The following DDI2 variants were observed in gnomAD, a reference collection of about 807,000 sequenced individuals.
DDI2 encodes the protein DDI proteasomal shuttling factor 2, also known as protein DDI1 homolog 2.
A neutral mutation model predicts 48.1 loss-of-function variants in DDI2; 5 were observed. The observed-to-expected ratio is 0.10, with a 90% CI of 0.05 to 0.22. DDI2 has a LOEUF of 0.22. Ranked by LOEUF, DDI2 falls within the 10% of genes least tolerant of loss-of-function variation. The pLI is 1.00. For missense variants in DDI2, 285 were observed against 506.2 expected (o/e 0.56, Z 4.19); for synonymous variants, 205 against 183.6 (o/e 1.12, Z -0.94).
intron 8 of DDI2, among the ~76,000 whole-genome samples, chr1:15,654,326 C>T (rs1640236351): frequency 6.6e-6 from 1 of 152,124 alleles, no homozygotes; most frequent in African/African-American, 2.4e-5. Flanking sequence ...TCAGAATCAA[C>T]TCCATCACCT....
rs952080688 is a variant in DDI2, at chr1:15,666,082, T to A, written c.*6292T>A. ...GGAGGTAGAGAAAATAAAAATAGCTTTTTTTTCCCTAGAATTGCTAATTAC... is the reference window on the plus strand; with the variant it reads ...GGAGGTAGAGAAAATAAAAATAGCTATTTTTTCCCTAGAATTGCTAATTAC... On this transcript the variant is annotated 3_prime_UTR_variant, in exon 10 of 10. Coordinates refer to ENST00000480945, the MANE Select transcript of DDI2 (RefSeq NM_032341.5). 6.6e-6 allele frequency: 1 copy of A among 151,986 alleles called. No homozygotes were observed. Among genetic ancestry groups the A allele is most frequent in the Non-Finnish European group, 1.5e-5 (1 of 67,992 alleles). 9.4% of individuals were successfully genotyped at this position (151,986 alleles called of 1,614,324 possible).
intron 3 of DDI2, among the ~76,000 whole-genome samples, chr1:15,632,218 A>G (rs1054120014): frequency 6.6e-6 from 1 of 152,178 alleles, no homozygotes; most frequent in African/African-American, 2.4e-5. Context: ...CAGCATATCT[A>G]ATCACCAAAG....
chr1:15,647,831 C>T (rs1010600576), intron 6 of DDI2, among the ~76,000 whole-genome samples: 3 of 151,990 alleles, frequency 2.0e-5, no homozygotes, highest in Non-Finnish European at 4.4e-5. Context: ...GTTGTCATGA[C>T]CGTACGCCTG....
intron 8 of DDI2, among the ~76,000 whole-genome samples, chr1:15,652,412 T>TA (rs1271224799): frequency 3.4e-5 from 4 of 117,216 alleles, no homozygotes; most frequent in African/African-American, 1.3e-4. Context: ...GCGTGGTGGC[T>TA]CACGCCTGTT....
intron 1 of DDI2, 87 bp from the exon 2 acceptor site, chr1:15,626,581 AT>A: frequency 6.4e-7 from 1 of 1,563,348 alleles, no homozygotes; most frequent in Non-Finnish European, 8.7e-7. Context: ...GGAGGGTGAC[AT>A]CTGATTCAGG....
intron 8 of DDI2, among the ~76,000 whole-genome samples, chr1:15,656,253 G>A (rs902222533): frequency 3.3e-5 from 5 of 152,180 alleles, no homozygotes; most frequent in African/African-American, 9.7e-5. Flanking sequence ...GAAAGGGACT[G>A]TTAGATATGT....
intron 2 of DDI2, among the ~76,000 whole-genome samples, chr1:15,629,344 C>G (rs1639807746): frequency 6.6e-6 from 1 of 152,092 alleles, no homozygotes; most frequent in East Asian, 1.9e-4. Flanking sequence ...ACTTATAATC[C>G]CAGCACTTTG....
chr1:15,643,779 G>C, intron 6 of DDI2, 129 bp downstream of exon 6: 1 of 1,337,348 alleles, frequency 7.5e-7, no homozygotes, highest in Non-Finnish European at 1.0e-6. Flanking sequence ...CTTTTGTGTG[G>C]GTATGTCTGA....
In DDI2 at chr1:15,654,186, G is replaced by A. The variant is rs146780549; in HGVS notation, c.1183+2291G>A. On this transcript the variant is annotated intron_variant, in intron 8 of 9. Transcript: ENST00000480945. ...CAGGGAATAGCTTTATCCTAAAGACGAAAGTGGTAAGAGTTTTAAAAACAG... is the reference window on the plus strand; with the variant it reads ...CAGGGAATAGCTTTATCCTAAAGACAAAAGTGGTAAGAGTTTTAAAAACAG... Among the ~76,000 whole-genome samples the A allele has an allele frequency of 2.6e-4, 40 of 152,268 alleles. No individual in the cohort carries two copies. In the East Asian group the frequency reaches 5.8e-3, roughly 22 times the overall value.
chr1:15,633,407 A>T (rs762155354), intron 3 of DDI2, 32 bp from the exon 4 acceptor site: 2 of 1,606,708 alleles, frequency 1.2e-6, no homozygotes, highest in Non-Finnish European at 1.7e-6. Flanking sequence ...AAATATAGTG[A>T]TATTTAAGAT....
chr1:15,661,519 C>T lies in DDI2; in HGVS notation c.*1729C>T, dbSNP rs1356418092. On this transcript the variant is annotated 3_prime_UTR_variant, in exon 10 of 10. Coordinates refer to ENST00000480945, the MANE Select transcript of DDI2 (RefSeq NM_032341.5). Reference sequence around the variant, plus strand: ...CTGTCCTGATGCTTCGAGGCCATTACTTGAATATGAACCACCTACCAGCCA... The same window carrying T: ...CTGTCCTGATGCTTCGAGGCCATTATTTGAATATGAACCACCTACCAGCCA... 2.5e-6 allele frequency: 4 copies of T among 1,614,090 alleles called. No individual in the cohort carries two copies. Among genetic ancestry groups the T allele is most frequent in the Admixed American group, 1.7e-5 (1 of 60,014 alleles).
intron 8 of DDI2, among the ~76,000 whole-genome samples, chr1:15,653,263 AT>A (rs1640220868): frequency 2.8e-5 from 4 of 141,924 alleles, no homozygotes; most frequent in Non-Finnish European, 6.2e-5. Context: ...GTTTTATTTT[AT>A]TTTATTTATT....
At chr1:15,626,600 T>C in intron 1 of DDI2, 69 bp from the exon 2 acceptor site, 1 of 1,589,730 alleles carries the variant, frequency 6.3e-7, no homozygotes, top group Non-Finnish European at 8.6e-7. Context: ...AGGGGAAAAC[T>C]GGTCCTTCTG....
In DDI2 at chr1:15,643,528, A is replaced by G; in HGVS notation, c.767A>G (p.Gln256Arg). 6.2e-7 allele frequency: 1 copy of G among 1,612,918 alleles called. No individual in the cohort carries two copies. The highest frequency in any genetic ancestry group is 8.5e-7 in the Non-Finnish European group (1 of 1,179,662). ...TGTTTCTCTACTCCTCCAGGTGCCC[A>G]GATGACTATCATGAGCCAAGCTTGT... The part of the protein sequence containing the change: ...PVKAFVDSGA[Q>R]MTIMSQACAE... Residue 256 changes from glutamine to arginine, a missense_variant, in exon 6 of 10, where the codon CAG (glutamine) becomes CGG (arginine). Coordinates refer to ENST00000480945, the MANE Select transcript of DDI2 (RefSeq NM_032341.5).
At chr1:15,629,596 CAA>C (rs553217782) in intron 2 of DDI2, among the ~76,000 whole-genome samples, 43,650 of 114,480 alleles carry the variant, frequency 0.38, 6,902 homozygotes, top group African/African-American at 0.46. Context: ...GACTCCGTGT[CAA>C]AAAAAAAAAA....
intron 1 of DDI2, among the ~76,000 whole-genome samples, chr1:15,621,653 T>G (rs573616351): frequency 9.8e-5 from 15 of 152,334 alleles, no homozygotes; most frequent in African/African-American, 3.4e-4. Context: ...CCCAGAGTGC[T>G]GGGATTACAG....
chr1:15,644,347 G>T (rs1640052763), intron 6 of DDI2, among the ~76,000 whole-genome samples: 3 of 152,106 alleles, frequency 2.0e-5, no homozygotes, highest in Admixed American at 2.0e-4. Context: ...GTTTATTGGA[G>T]TGCATCATCC....
intron 8 of DDI2, among the ~76,000 whole-genome samples, chr1:15,652,385 G>T (rs939732634): frequency 7.4e-6 from 1 of 135,374 alleles, no homozygotes; most frequent in African/African-American, 2.7e-5. Context: ...TAATGAAAAA[G>T]TCTGTATTCT....
rs367740414 is a variant in DDI2, at chr1:15,643,436, G to A, written c.761-86G>A. The A allele has an allele frequency of 3.9e-5, 60 of 1,538,908 alleles. No homozygotes were observed. The East Asian group carries it at 8.3e-4, about 21-fold the overall frequency. On this transcript the variant is annotated intron_variant, in intron 5 of 9. Coordinates refer to ENST00000480945, the MANE Select transcript of DDI2 (RefSeq NM_032341.5). Reference sequence around the variant, plus strand: ...AAGCCTTGGGGTGTGCTTGGTTTTCGCTTTGTTATTATTTAGTGCTATATT... The same window carrying A: ...AAGCCTTGGGGTGTGCTTGGTTTTCACTTTGTTATTATTTAGTGCTATATT...
Sources: gnomAD v4.1 joint callset for allele counts (sites outside exome capture counted in the v4.1 genomes callset) on GRCh38, gnomAD v4.1.1 for gene constraint, MANE v1.5 for transcripts, NCBI Gene and HGNC (gene_info 2026-07-23, HGNC 2026-07-21) for gene names.